PRKCQ: variants seen among roughly 807,000 people sequenced by gnomAD.
PRKCQ encodes the protein protein kinase C theta, also known as protein kinase C theta type.
Under a neutral mutation model 91.2 loss-of-function variants are expected in PRKCQ, and 41 were observed. The observed-to-expected ratio is 0.45, with a 90% CI of 0.35 to 0.58. PRKCQ has a LOEUF of 0.58. PRKCQ is among the 20% of genes least tolerant of loss of function. The pLI is 0.00. For missense variants in PRKCQ, 673 were observed against 896.5 expected, an observed-to-expected ratio of 0.75 and a Z score of 3.18; for synonymous variants, 307 against 316.9, an observed-to-expected ratio of 0.97 and a Z score of 0.33.
At chr10:6,459,529 G>A (rs1014431516) in intron 14 of PRKCQ, among the ~76,000 whole-genome samples, 4 of 152,210 alleles carry the variant, frequency 2.6e-5, no homozygotes, top group Admixed American at 6.5e-5. Context: ...CCTTGTAGAT[G>A]TGACCTTATT....
chr10:6,536,478 T>A (rs1329902571), intron 1 of PRKCQ, among the ~76,000 whole-genome samples: 1 of 152,078 alleles, frequency 6.6e-6, no homozygotes, highest in African/African-American at 2.4e-5. Flanking sequence ...GCACACCTCA[T>A]AAGACTTTAG....
chr10:6,543,828 C>T (rs939721613), intron 1 of PRKCQ, among the ~76,000 whole-genome samples: 2 of 152,174 alleles, frequency 1.3e-5, no homozygotes, highest in South Asian at 2.1e-4. Flanking sequence ...TCCCATGCAC[C>T]GCGCATCCTT....
intron 16 of PRKCQ, among the ~76,000 whole-genome samples, chr10:6,438,461 C>T (rs987954296): frequency 5.9e-5 from 9 of 152,186 alleles, no homozygotes; most frequent in African/African-American, 1.7e-4. Context: ...CAATATAGCA[C>T]GAACAAGGCT....
intron 12 of PRKCQ, among the ~76,000 whole-genome samples, chr10:6,469,143 G>C (rs1835835367): frequency 6.6e-6 from 1 of 152,212 alleles, no homozygotes; most frequent in Admixed American, 6.5e-5. Flanking sequence ...AGTGTGCAGA[G>C]GGAGGCCCCA....
chr10:6,404,190 A>G, the PRKCQ span, among the ~76,000 whole-genome samples: 78 of 149,154 alleles, frequency 5.2e-4, no homozygotes, highest in East Asian at 0.013. Context: ...CTTTAATGGC[A>G]TTAAAGAGAA....
intron 1 of PRKCQ, among the ~76,000 whole-genome samples, chr10:6,547,533 GAT>G (rs1481919248): frequency 6.6e-6 from 1 of 151,732 alleles, no homozygotes; most frequent in Non-Finnish European, 1.5e-5. Context: ...CCAAAACAGA[GAT>G]ATAGATCAAT....
the PRKCQ span, among the ~76,000 whole-genome samples, chr10:6,400,005 T>G: frequency 1.1e-4 from 16 of 152,152 alleles, no homozygotes; most frequent in Non-Finnish European, 1.8e-4. Flanking sequence ...CACTGATGGA[T>G]TTGAATGAAT....
At chr10:6,409,833 T>C in the PRKCQ span, among the ~76,000 whole-genome samples, 2 of 152,206 alleles carry the variant, frequency 1.3e-5, no homozygotes, top group South Asian at 2.1e-4. Context: ...AGAATTAAGA[T>C]AGCAAGCTAA....
intron 16 of PRKCQ, among the ~76,000 whole-genome samples, chr10:6,437,971 C>T (rs1364339048): frequency 6.6e-6 from 1 of 152,130 alleles, no homozygotes; most frequent in African/African-American, 2.4e-5. Context: ...CTTATTTTTA[C>T]TGTTGTCAGC....
intron 16 of PRKCQ, among the ~76,000 whole-genome samples, 168 bp downstream of exon 16, chr10:6,441,725 C>T (rs1833981887): frequency 6.6e-6 from 1 of 152,156 alleles, no homozygotes; most frequent in South Asian, 2.1e-4. Context: ...ATTTAATGCT[C>T]ATAATATTGG....
chr10:6,489,585 G>T (rs1193172563), intron 8 of PRKCQ: 4 of 434,740 alleles, frequency 9.2e-6, no homozygotes, highest in Non-Finnish European at 9.5e-6. Context: ...GGAGAAGAGG[G>T]CGAGAAGAGT....
rs1588362506 is a variant in PRKCQ, at chr10:6,512,433, C to A, written c.119-1239G>T. Among the ~76,000 whole-genome samples the A allele has an allele frequency of 3.3e-5, 5 of 152,336 alleles. No individual in the cohort carries two copies. In the South Asian group the frequency reaches 1.0e-3, roughly 32 times the overall value. ...GACAGGAAGGTCAGTCTAGGGGAAA[C>A]CTCCCTAAAGCCGCTCTGTGATTGG... On this transcript the variant is annotated intron_variant, in intron 2 of 17. Coordinates refer to ENST00000263125, the MANE Select transcript of PRKCQ (RefSeq NM_006257.5).
intron 1 of PRKCQ, among the ~76,000 whole-genome samples, chr10:6,547,858 C>G (rs1166493092): frequency 6.6e-6 from 1 of 150,616 alleles, no homozygotes; most frequent in African/African-American, 2.4e-5. Context: ...AAAGCAATGG[C>G]AACAAAAGCC....
At chr10:6,460,872 T>C (rs958547674) in intron 14 of PRKCQ, among the ~76,000 whole-genome samples, 2 of 150,660 alleles carry the variant, frequency 1.3e-5, no homozygotes, top group East Asian at 4.0e-4. Context: ...TCTGTTCAAT[T>C]TACCCATCAC....
At chr10:6,551,233 T>G (rs1163115757) in intron 1 of PRKCQ, among the ~76,000 whole-genome samples, 1 of 152,126 alleles carries the variant, frequency 6.6e-6, no homozygotes, top group Non-Finnish European at 1.5e-5. Flanking sequence ...TAGCTCCCAC[T>G]TATAAGTGAG....
intron 12 of PRKCQ, among the ~76,000 whole-genome samples, chr10:6,467,068 C>T (rs1835691748): frequency 6.6e-6 from 1 of 152,070 alleles, no homozygotes; most frequent in African/African-American, 2.4e-5. Flanking sequence ...CATTGGTCCT[C>T]AGTGGGCAAT....
At chr10:6,565,331 C>T (rs1236163381) in intron 1 of PRKCQ, among the ~76,000 whole-genome samples, 1 of 152,174 alleles carries the variant, frequency 6.6e-6, no homozygotes, top group Non-Finnish European at 1.5e-5. Context: ...TCAATAGATA[C>T]ATATGCTCTC....
At chr10:6,513,830 G>C (rs1268101056) in intron 2 of PRKCQ, among the ~76,000 whole-genome samples, 2 of 152,168 alleles carry the variant, frequency 1.3e-5, no homozygotes, top group Non-Finnish European at 2.9e-5. Flanking sequence ...GGTTCTCAAA[G>C]TCTGAGTCAG....
chr10:6,430,481 C>T lies in PRKCQ; in HGVS notation c.1965+329G>A, dbSNP rs761387065. Among the ~76,000 whole-genome samples, 1 of 152,182 alleles carries T rather than the reference C, an allele frequency of 6.6e-6. No homozygotes were observed. Among genetic ancestry groups the T allele is most frequent in the Non-Finnish European group, 1.5e-5 (1 of 68,034 alleles). ...GTTACCCAGACTGGACCATTAAGTA[C>T]GTATGTGTCATGTGCACAACCCCCA... On this transcript the variant is annotated intron_variant, in intron 17 of 17. Transcript: ENST00000263125. The surrounding 1 kb of genome is among the most constrained non-coding windows in gnomAD (Gnocchi z 4.7).
Sources: gnomAD v4.1 joint callset for allele counts (sites outside exome capture counted in the v4.1 genomes callset) on GRCh38, gnomAD v4.1.1 for gene constraint, Gnocchi (gnomAD v3.1) non-coding constraint, MANE v1.5 for transcripts, NCBI Gene and HGNC (gene_info 2026-07-23, HGNC 2026-07-21) for gene names.